MED26: variants seen among roughly 807,000 people sequenced by gnomAD.
The protein encoded by MED26 is mediator complex subunit 26.
In MED26, 7 loss-of-function variants were observed where a neutral mutation model predicts 43.7. That is an observed-to-expected ratio of 0.16 (90% CI 0.09 to 0.30). The LOEUF is 0.30. Among genes scored for constraint, MED26 ranks in the 10% least tolerant of loss-of-function variants. The pLI is 1.00. For synonymous variants in MED26, 375 were observed against 371.1 expected (o/e 1.01, Z -0.12); for missense variants, 784 against 840.6 (o/e 0.93, Z 0.83).
At chr19:16,589,760 G>A (rs2086087553) in intron 1 of MED26, among the ~76,000 whole-genome samples, 1 of 152,154 alleles carries the variant, frequency 6.6e-6, no homozygotes, top group Non-Finnish European at 1.5e-5. Flanking sequence ...ATATTTTCTA[G>A]ACTATATTTA....
At chr19:16,616,946 T>A (rs1440824926) in intron 1 of MED26, among the ~76,000 whole-genome samples, 1 of 152,108 alleles carries the variant, frequency 6.6e-6, no homozygotes, top group Non-Finnish European at 1.5e-5. Context: ...GAAGACAACC[T>A]GGCGTGACAA....
At chr19:16,591,661 C>A (rs1031863233) in intron 1 of MED26, among the ~76,000 whole-genome samples, 2 of 152,156 alleles carry the variant, frequency 1.3e-5, no homozygotes, top group African/African-American at 2.4e-5. Context: ...TTCCTACACT[C>A]GAGAAAAGGC....
At chr19:16,578,170 C>T (rs536353180) in intron 2 of MED26, 165 bp downstream of exon 2, 4 of 702,390 alleles carry the variant, frequency 5.7e-6, no homozygotes, top group African/African-American at 1.8e-5. Flanking sequence ...CTGCAGTGCC[C>T]GTGGGAGAGC....
chr19:16,592,925 C>T (rs192582634), intron 1 of MED26, among the ~76,000 whole-genome samples: 1 of 152,330 alleles, frequency 6.6e-6, no homozygotes, highest in African/African-American at 2.4e-5. Context: ...AAACACAAGT[C>T]AACGAAAATA....
intron 1 of MED26, among the ~76,000 whole-genome samples, chr19:16,627,517 G>T (rs2086285480): frequency 1.3e-5 from 2 of 152,256 alleles, no homozygotes; most frequent in Admixed American, 1.3e-4. Flanking sequence ...CTCCGGGAGG[G>T]CTTCCCGGGG....
intron 1 of MED26, among the ~76,000 whole-genome samples, chr19:16,594,731 T>A (rs2086112708): frequency 1.3e-5 from 2 of 151,976 alleles, no homozygotes; most frequent in Admixed American, 1.3e-4. Context: ...AAAAAAAAAA[T>A]CTGGTTTCCC....
chr19:16,591,983 C>T (rs1386549881), intron 1 of MED26, among the ~76,000 whole-genome samples: 1 of 152,172 alleles, frequency 6.6e-6, no homozygotes. Context: ...AATCCCCATC[C>T]CCATCCCCCC....
chr19:16,583,486 G>A (rs912309404), intron 1 of MED26, among the ~76,000 whole-genome samples: 1 of 152,102 alleles, frequency 6.6e-6, no homozygotes, highest in Non-Finnish European at 1.5e-5. Flanking sequence ...GGAAGTGCCT[G>A]TGAAGGGCAA....
intron 1 of MED26, among the ~76,000 whole-genome samples, chr19:16,599,440 T>C (rs1176292263): frequency 6.6e-6 from 1 of 152,156 alleles, no homozygotes; most frequent in Non-Finnish European, 1.5e-5. Context: ...GTAAATGTGA[T>C]GTGTGGTGTC....
chr19:16,576,611 C>T lies in MED26; in HGVS notation c.1219G>A (p.Asp407Asn). ...ACGCCCGCCTCAGCCACCTGCCCGT[C>T]CAAGTTAACCGTATAGTCTCGAGGT... ...YRPRDYTVNL[D>N]GQVAEAGVKP... The change falls in exon 3 of 3, where the codon GAC becomes AAC. Residue 407 changes from aspartate (D) to asparagine (N), a missense_variant. By Grantham distance (23) the Asp-to-Asn change is conservative. Coordinates refer to ENST00000263390, the MANE Select transcript of MED26 (RefSeq NM_004831.5). This position sits in a 1 kb window ranked among gnomAD's most constrained non-coding sequence, Gnocchi z 6.8. 2 of 1,614,236 alleles carry T rather than the reference C, an allele frequency of 1.2e-6. No homozygotes were observed. Among genetic ancestry groups the T allele is most frequent in the Non-Finnish European group, 1.7e-6 (2 of 1,180,050 alleles).
At chr19:16,580,355 A>G (rs1599331103) in intron 1 of MED26, among the ~76,000 whole-genome samples, 1 of 151,142 alleles carries the variant, frequency 6.6e-6, no homozygotes, top group Non-Finnish European at 1.5e-5. Context: ...AGGTGTTAGC[A>G]GAGTTCAGCT....
At chr19:16,627,707 C>A (rs562278278) in intron 1 of MED26, among the ~76,000 whole-genome samples, 165 bp downstream of exon 1, 1 of 152,332 alleles carries the variant, frequency 6.6e-6, no homozygotes, top group African/African-American at 2.4e-5. Context: ...GCCCGACCTG[C>A]CCCCGGCCCG....
intron 1 of MED26, among the ~76,000 whole-genome samples, chr19:16,615,387 G>A (rs1157303826): frequency 2.0e-5 from 3 of 152,198 alleles, no homozygotes; most frequent in Admixed American, 1.3e-4. Flanking sequence ...AGTTGCAAGT[G>A]AGGGAAAAGT....
intron 1 of MED26, among the ~76,000 whole-genome samples, chr19:16,605,298 T>C (rs987387111): frequency 3.3e-5 from 5 of 152,148 alleles, no homozygotes; most frequent in Non-Finnish European, 5.9e-5. Flanking sequence ...TTGTTGGAGG[T>C]AGAATCAGAA....
At chr19:16,625,732 A>G (rs764864063) in intron 1 of MED26, among the ~76,000 whole-genome samples, 9 of 152,082 alleles carry the variant, frequency 5.9e-5, no homozygotes, top group Non-Finnish European at 1.3e-4. Flanking sequence ...GGCTCTCACC[A>G]TCACCTCCGC....
At position 16,577,264 on chromosome 19, in the gene MED26, G is replaced by A. The variant is rs371433884; in HGVS notation, c.566C>T (p.Pro189Leu). The A allele has an allele frequency of 6.2e-7, 1 of 1,612,900 alleles. No individual in the cohort carries two copies. The highest frequency in any genetic ancestry group is 1.3e-5 in the African/African-American group (1 of 75,044). ...ATCCAGGGAGCTGGCGAAGCTCTCT[G>A]GACTCCCACTGATCCCGTTGGTGGG... Reference protein sequence around the residue: ...PLPTNGISGSPESFASSLDGS... With the variant: ...PLPTNGISGSLESFASSLDGS... The change falls in exon 3 of 3, where the codon CCA (proline) becomes CTA (leucine). Residue 189 changes from proline to leucine, a missense_variant. This residue lies in a region of MED26 where 719 missense variants were observed against 730.9 expected (regional missense o/e 0.98). Transcript: ENST00000263390. This position sits in a 1 kb window ranked among gnomAD's most constrained non-coding sequence, Gnocchi z 8.1.
At chr19:16,624,977 C>T (rs3786603) in intron 1 of MED26, among the ~76,000 whole-genome samples, 7,832 of 152,234 alleles carry the variant, frequency 0.051, 281 homozygotes, top group Non-Finnish European at 0.063. Context: ...AGATGGGAAC[C>T]GAATCACCTG....
intron 1 of MED26, among the ~76,000 whole-genome samples, chr19:16,607,937 G>A (rs1207502195): frequency 6.6e-6 from 1 of 152,206 alleles, no homozygotes; most frequent in Admixed American, 6.5e-5. Flanking sequence ...GGGAAACTAC[G>A]ATCACGAGAA....
Position 16,577,724 on chromosome 19 carries a change from ACTTCTC to A in MED26, c.148-48_148-43del. 6.7e-7 allele frequency: 1 copy of A among 1,483,852 alleles called. No homozygotes were observed. Among genetic ancestry groups the A allele is most frequent in the South Asian group, 1.3e-5 (1 of 77,758 alleles). 91.9% of individuals were successfully genotyped at this position (1,483,852 alleles called of 1,614,324 possible). ...ATGATGACATACTTTCGGGACAGGAACTTCTCCATGAGCTGAGCCAGAAATGGTGGG... is the reference window on the plus strand; with the variant it reads ...ATGATGACATACTTTCGGGACAGGAACATGAGCTGAGCCAGAAATGGTGGG... On this transcript the variant is annotated intron_variant, in intron 2 of 2. Coordinates refer to ENST00000263390, the MANE Select transcript of MED26 (RefSeq NM_004831.5). The surrounding 1 kb of genome is among the most constrained non-coding windows in gnomAD (Gnocchi z 8.1).
Sources: gnomAD v4.1 joint callset for allele counts (sites outside exome capture counted in the v4.1 genomes callset) on GRCh38, gnomAD v4.1.1 for gene constraint, gnomAD v4.1.1 regional missense constraint, Gnocchi (gnomAD v3.1) non-coding constraint, MANE v1.5 for transcripts, NCBI Gene and HGNC (gene_info 2026-07-23, HGNC 2026-07-21) for gene names.